Variants in LIMCH1 observed in about 807,000 individuals in gnomAD.
LIMCH1 encodes the protein LIM and calponin homology domains-containing protein 1.
In LIMCH1, 113 loss-of-function variants were observed where a neutral mutation model predicts 176.5. That is an observed-to-expected ratio of 0.64 (90% confidence interval 0.55 to 0.75). The LOEUF (loss-of-function observed/expected upper bound fraction) is 0.75, where lower values mean the gene tolerates loss of function less well. Among genes scored for constraint, LIMCH1 ranks in the 30% least tolerant of loss-of-function variants. The pLI is 0.00. For synonymous variants in LIMCH1, 619 were observed against 645.9 expected (o/e 0.96, Z 0.63); for missense variants, 1,674 against 1,814.9 (o/e 0.92, Z 1.41).
chr4:41,634,248 C>A (rs1332827701), intron 13 of LIMCH1, among the ~76,000 whole-genome samples: 1 of 152,198 alleles, frequency 6.6e-6, no homozygotes, highest in African/African-American at 2.4e-5. Flanking sequence ...CATGCTCTGA[C>A]TTGACTTAGA....
In LIMCH1 at chr4:41,480,095, A is replaced by G. The variant is rs1423411367; in HGVS notation, c.97-14441A>G. On this transcript the variant is annotated intron_variant, in intron 1 of 26. Transcript: ENST00000313860. Reference sequence around the variant, plus strand: ...ACACTCAGTAAGTACTAAGTGTCCTATTAGATGGTTCCTACCCATGATTTC... The same window carrying G: ...ACACTCAGTAAGTACTAAGTGTCCTGTTAGATGGTTCCTACCCATGATTTC... 2.6e-5 allele frequency among the ~76,000 whole-genome samples: 4 copies of G among 152,184 alleles called. No individual in the cohort carries two copies. In the East Asian group the frequency reaches 5.8e-4, roughly 22 times the overall value.
chr4:41,475,790 T>C (rs191747492), intron 1 of LIMCH1, among the ~76,000 whole-genome samples: 56 of 152,266 alleles, frequency 3.7e-4, no homozygotes, highest in Non-Finnish European at 5.3e-4. Context: ...AGATGACTGG[T>C]TGATAGGTGC....
chr4:41,527,858 T>C (rs1031419906), intron 3 of LIMCH1, among the ~76,000 whole-genome samples: 32 of 135,400 alleles, frequency 2.4e-4, no homozygotes, highest in African/African-American at 8.4e-4. Context: ...AACTGCCCCA[T>C]CCCCAAAAGG....
chr4:41,698,762 C>T lies in LIMCH1; in HGVS notation c.*1577C>T, dbSNP rs996480790. 1.3e-5 allele frequency: 2 copies of T among 152,534 alleles called. No homozygotes were observed. The highest frequency in any genetic ancestry group is 2.4e-5 in the African/African-American group (1 of 41,412). The allele number at this position is 152,534 out of a possible 1,614,324, so 9.4% of individuals were successfully genotyped here. A position where few individuals can be genotyped will look rare whatever the true frequency, so the allele number is the denominator to read the frequency against. On this transcript the variant is annotated 3_prime_UTR_variant, in exon 32 of 32. Transcript: ENST00000503057. ...GGGTTCCATATAGGTGCAGAAATTT[C>T]CTCAGCCACTGGAGGGATTTCGACC...
At chr4:41,387,330 A>G (rs1168624261) in intron 1 of LIMCH1, among the ~76,000 whole-genome samples, 1 of 152,234 alleles carries the variant, frequency 6.6e-6, no homozygotes, top group Non-Finnish European at 1.5e-5. Flanking sequence ...GTTGATGTAA[A>G]TGGGGCTCAT....
chr4:41,645,547 C>T (rs1433070473), intron 15 of LIMCH1, among the ~76,000 whole-genome samples: 2 of 152,162 alleles, frequency 1.3e-5, no homozygotes, highest in Admixed American at 6.5e-5. Flanking sequence ...TTATTTCCCA[C>T]AGCTGCAACC....
chr4:41,560,000 G>A (rs1000249132), intron 1 of LIMCH1, among the ~76,000 whole-genome samples: 1 of 152,106 alleles, frequency 6.6e-6, no homozygotes, highest in African/African-American at 2.4e-5. Context: ...TTATTTCCAA[G>A]TACTACCTAG....
intron 1 of LIMCH1, among the ~76,000 whole-genome samples, chr4:41,399,685 C>CTTTTTTTTTTTTTTT (rs56174007): frequency 1.5e-4 from 14 of 95,786 alleles, no homozygotes; most frequent in African/African-American, 3.5e-4. Flanking sequence ...GGTGGATACT[C>CTTTTTTTTTTTTTTT]TTTTTTTTTT....
chr4:41,366,270 G>A (rs555368143), intron 1 of LIMCH1, among the ~76,000 whole-genome samples: 3 of 152,224 alleles, frequency 2.0e-5, no homozygotes, highest in East Asian at 1.9e-4. Context: ...TCGAAGTGGC[G>A]CAAAATACAT....
chr4:41,605,455 C>A (rs1368688941), intron 3 of LIMCH1, among the ~76,000 whole-genome samples: 1 of 152,150 alleles, frequency 6.6e-6, no homozygotes, highest in East Asian at 1.9e-4. Flanking sequence ...CTTAGCGGAA[C>A]CTCTGTGCCC....
chr4:41,671,354 G>A (rs2095018221), intron 21 of LIMCH1, among the ~76,000 whole-genome samples, 200 bp from the exon 22 acceptor site: 2 of 150,092 alleles, frequency 1.3e-5, no homozygotes, highest in South Asian at 4.2e-4. Flanking sequence ...TGCTACAGGG[G>A]TTGTCTGCTT....
At chr4:41,366,936 G>C (rs1012113870) in intron 1 of LIMCH1, among the ~76,000 whole-genome samples, 13 of 152,204 alleles carry the variant, frequency 8.5e-5, no homozygotes, top group African/African-American at 3.1e-4. Flanking sequence ...ACGTGGCTGG[G>C]GAGGCCTCAA....
At chr4:41,371,175 G>A (rs1238250886) in intron 1 of LIMCH1, among the ~76,000 whole-genome samples, 1 of 152,190 alleles carries the variant, frequency 6.6e-6, no homozygotes, top group East Asian at 1.9e-4. Flanking sequence ...CAGGTGACCT[G>A]CCTCTCTCCT....
intron 1 of LIMCH1, among the ~76,000 whole-genome samples, chr4:41,419,147 TATTTTATTTTATTTTATTTC>T (rs1407779888): frequency 3.1e-5 from 4 of 130,126 alleles, no homozygotes; most frequent in Non-Finnish European, 6.3e-5. Flanking sequence ...TATTTTATTT[TATTTTATTTTATTTTATTTC>T]ATTTTATTTT....
At chr4:41,393,431 T>A (rs917534562) in intron 1 of LIMCH1, among the ~76,000 whole-genome samples, 2 of 152,236 alleles carry the variant, frequency 1.3e-5, no homozygotes, top group African/African-American at 2.4e-5. Flanking sequence ...ATTGTTGCAT[T>A]TGGCTTTAGA....
intron 1 of LIMCH1, among the ~76,000 whole-genome samples, chr4:41,543,923 G>A (rs942118021): frequency 1.3e-5 from 2 of 152,114 alleles, no homozygotes; most frequent in Non-Finnish European, 2.9e-5. Flanking sequence ...ATTTTTAGGG[G>A]CGTATTCACA....
intron 2 of LIMCH1, among the ~76,000 whole-genome samples, chr4:41,511,271 T>C (rs1239704795): frequency 6.6e-6 from 1 of 152,238 alleles, no homozygotes; most frequent in Non-Finnish European, 1.5e-5. Flanking sequence ...TTGCATTTGC[T>C]TCTAGCTACC....
At chr4:41,451,781 G>A (rs995484579) in intron 1 of LIMCH1, among the ~76,000 whole-genome samples, 2 of 152,140 alleles carry the variant, frequency 1.3e-5, no homozygotes, top group Admixed American at 6.5e-5. Flanking sequence ...CTCTACCTTC[G>A]GGGTAGCACT....
At chr4:41,444,555 T>C (rs2063076268) in intron 1 of LIMCH1, among the ~76,000 whole-genome samples, 1 of 152,128 alleles carries the variant, frequency 6.6e-6, no homozygotes, top group Non-Finnish European at 1.5e-5. Flanking sequence ...AATGGCGTCT[T>C]TGTCTGGGAA....
Sources: allele counts gnomAD v4.1 joint callset (sites outside exome capture counted in the v4.1 genomes callset), GRCh38; gene constraint gnomAD v4.1.1; transcripts MANE v1.5; gene names NCBI Gene and HGNC (gene_info 2026-07-23, HGNC 2026-07-21).